The following NBAS variants were observed in gnomAD, a reference collection of about 807,000 sequenced individuals.
The protein encoded by NBAS is NBAS subunit of NRZ tethering complex.
Under a neutral mutation model 302.5 loss-of-function variants are expected in NBAS, and 219 were observed. The ratio of observed to expected loss-of-function variants is 0.72; its 90% CI spans 0.65 to 0.81. The LOEUF (loss-of-function observed/expected upper bound fraction) is 0.81, where lower values mean the gene tolerates loss of function less well. Ranked by LOEUF, NBAS falls within the 30% of genes least tolerant of loss-of-function variation. The pLI, the probability that NBAS is intolerant of heterozygous loss-of-function variation, is 0.00. For missense variants in NBAS, 2,932 were observed against 2,841.6 expected (o/e 1.03, Z -0.72); for synonymous variants, 1,118 against 1,021.6 (o/e 1.09, Z -1.80).
chr2:15,333,189 T>C (rs945414484), intron 35 of NBAS, among the ~76,000 whole-genome samples: 3 of 151,772 alleles, frequency 2.0e-5, no homozygotes, highest in South Asian at 2.1e-4. Context: ...TGGGAAAAAA[T>C]TGAGAGTTTC....
intron 19 of NBAS, among the ~76,000 whole-genome samples, chr2:15,465,115 A>G (rs567746709): frequency 1.3e-5 from 2 of 152,344 alleles, no homozygotes; most frequent in East Asian, 3.9e-4. Context: ...ATGTGTTGGT[A>G]TTTCTTAAGG....
chr2:15,434,902 A>G (rs965538408), intron 21 of NBAS, among the ~76,000 whole-genome samples: 7 of 152,198 alleles, frequency 4.6e-5, no homozygotes, highest in African/African-American at 1.4e-4. Context: ...AGAGCAATCT[A>G]ATAAATTCCA....
At chr2:14,879,800 G>A in the NBAS span, among the ~76,000 whole-genome samples, 1 of 152,210 alleles carries the variant, frequency 6.6e-6, no homozygotes, top group Non-Finnish European at 1.5e-5. Context: ...CCAGAGCAGA[G>A]AATGGGGAGA....
the NBAS span, among the ~76,000 whole-genome samples, chr2:14,921,175 G>C: frequency 5.3e-5 from 8 of 152,068 alleles, no homozygotes; most frequent in Non-Finnish European, 1.0e-4. Flanking sequence ...GGAATAGGGA[G>C]GCCCAAGGAG....
At chr2:14,865,104 C>T in the NBAS span, among the ~76,000 whole-genome samples, 2 of 152,160 alleles carry the variant, frequency 1.3e-5, no homozygotes, top group Admixed American at 1.3e-4. Context: ...GCCTTCTGTT[C>T]TGGGCTTCTT....
chr2:15,509,679 A>G (rs1214579751), intron 10 of NBAS, among the ~76,000 whole-genome samples: 2 of 152,230 alleles, frequency 1.3e-5, no homozygotes, highest in East Asian at 1.9e-4. Context: ...TTGTTTTAGA[A>G]CATAATTTGA....
chr2:15,183,265 T>C (rs1664914226), intron 50 of NBAS, among the ~76,000 whole-genome samples: 1 of 152,152 alleles, frequency 6.6e-6, no homozygotes, highest in Admixed American at 6.5e-5. Context: ...CATTTGCAAA[T>C]AGCCTCTAAT....
chr2:15,266,564 C>T (rs1669085595), intron 44 of NBAS, among the ~76,000 whole-genome samples: 1 of 151,966 alleles, frequency 6.6e-6, no homozygotes. Flanking sequence ...ATGACAGAAA[C>T]ACTGAAGATT....
intron 29 of NBAS, 56 bp downstream of exon 29, chr2:15,383,159 C>A (rs548301008): frequency 3.6e-6 from 5 of 1,407,880 alleles, no homozygotes; most frequent in Non-Finnish European, 4.0e-6. Flanking sequence ...ATCCAATAAA[C>A]CATAACAATT....
intron 40 of NBAS, among the ~76,000 whole-genome samples, chr2:15,293,599 C>T (rs891620622): frequency 5.2e-4 from 79 of 152,144 alleles, no homozygotes; most frequent in Admixed American, 5.2e-3. Flanking sequence ...TTAATTCAAT[C>T]CATCCCAATT....
At chr2:15,129,038 C>T in the NBAS span, among the ~76,000 whole-genome samples, 1 of 152,218 alleles carries the variant, frequency 6.6e-6, no homozygotes, top group Non-Finnish European at 1.5e-5. Context: ...CATGGGCGGG[C>T]CCTGCCTCCT....
chr2:15,165,059 C>A (rs1440219586), downstream of NBAS, among the ~76,000 whole-genome samples: 1 of 152,200 alleles, frequency 6.6e-6, no homozygotes, highest in African/African-American at 2.4e-5. Context: ...GGGTGTCATA[C>A]TAAATGACTT....
chr2:14,961,106 C>G, the NBAS span, among the ~76,000 whole-genome samples: 1 of 152,124 alleles, frequency 6.6e-6, no homozygotes, highest in South Asian at 2.1e-4. Flanking sequence ...GGGGTTGACT[C>G]TCTGTGGTAT....
intron 35 of NBAS, among the ~76,000 whole-genome samples, chr2:15,335,501 A>G (rs1672542131): frequency 6.6e-6 from 1 of 152,150 alleles, no homozygotes; most frequent in Non-Finnish European, 1.5e-5. Flanking sequence ...ATGGTATTTC[A>G]TGTCTTTTTC....
the NBAS span, among the ~76,000 whole-genome samples, chr2:15,102,749 AGG>A: frequency 6.6e-6 from 1 of 152,004 alleles, no homozygotes; most frequent in Non-Finnish European, 1.5e-5. Flanking sequence ...TAATTACCTA[AGG>A]TTAGTTCTCC....
At chr2:15,498,609 ACCCAAAT>A (rs1292561684) in intron 11 of NBAS, among the ~76,000 whole-genome samples, 2 of 152,142 alleles carry the variant, frequency 1.3e-5, no homozygotes, top group Admixed American at 1.3e-4. Context: ...CTGCGTCCCC[ACCCAAAT>A]CCCATGTCAA....
At chr2:15,072,650 TCAATA>T in the NBAS span, among the ~76,000 whole-genome samples, 1 of 152,210 alleles carries the variant, frequency 6.6e-6, no homozygotes, top group Admixed American at 6.5e-5. Flanking sequence ...TTAAACAGTC[TCAATA>T]CAACGTGTTA....
the NBAS span, among the ~76,000 whole-genome samples, chr2:14,865,205 G>A: frequency 2.0e-5 from 3 of 152,060 alleles, no homozygotes; most frequent in African/African-American, 7.2e-5. Flanking sequence ...GGGTGAGTGG[G>A]GGGGAATAAT....
intron 9 of NBAS, among the ~76,000 whole-genome samples, chr2:15,529,680 G>A (rs1430393727): frequency 6.6e-6 from 1 of 152,074 alleles, no homozygotes; most frequent in Admixed American, 6.6e-5. Flanking sequence ...CAGTATCAAG[G>A]CTTGGCAAAA....
Sources: gnomAD v4.1 joint callset for allele counts (sites outside exome capture counted in the v4.1 genomes callset) on GRCh38, gnomAD v4.1.1 for gene constraint, MANE v1.5 for transcripts, NCBI Gene and HGNC (gene_info 2026-07-23, HGNC 2026-07-21) for gene names.